Variants in ST6GAL1 observed in about 807,000 individuals in gnomAD.
ST6GAL1 encodes beta-galactoside alpha-2,6-sialyltransferase 1.
Under a neutral mutation model 38.0 loss-of-function variants are expected in ST6GAL1, and 20 were observed. That is an observed-to-expected ratio of 0.53 (90% CI 0.37 to 0.77). The LOEUF (loss-of-function observed/expected upper bound fraction) is 0.77. Ranked by LOEUF, ST6GAL1 falls within the 30% of genes least tolerant of loss-of-function variation. The probability of loss-of-function intolerance (pLI) is 0.00; values close to 1 mark genes in which losing one functional copy is unlikely to be tolerated. For synonymous variants in ST6GAL1, 196 were observed against 188.2 expected, an observed-to-expected ratio of 1.04 and a Z score of -0.34; for missense variants, 432 against 496.4, an observed-to-expected ratio of 0.87 and a Z score of 1.23.
At chr3:187,054,324 TTCCAACACTA>T (rs1718616717) in intron 5 of ST6GAL1, among the ~76,000 whole-genome samples, 1 of 152,200 alleles carries the variant, frequency 6.6e-6, no homozygotes, top group African/African-American at 2.4e-5. Flanking sequence ...TGGCCAGAAC[TTCCAACACTA>T]TGTTGAATAG....
In ST6GAL1 at chr3:187,045,156, A is replaced by T. The variant is rs111921232; in HGVS notation, c.607+1846A>T. 9.9e-3 allele frequency among the ~76,000 whole-genome samples: 1,515 copies of T among 152,312 alleles called. 20 individuals are homozygous for T. Among genetic ancestry groups the T allele is most frequent in the African/African-American group, 0.035 (1,436 of 41,566 alleles). On this transcript the variant is annotated intron_variant, in intron 4 of 7. Transcript: ENST00000169298. Reference sequence around the variant, plus strand: ...ACTACTGGATGGATCAGATTATTTCAAATGGTTTTCTTTTACAAATAACAT... The same window carrying T: ...ACTACTGGATGGATCAGATTATTTCTAATGGTTTTCTTTTACAAATAACAT...
At chr3:187,013,049 A>G (rs963765736) in intron 2 of ST6GAL1, among the ~76,000 whole-genome samples, 3 of 152,232 alleles carry the variant, frequency 2.0e-5, no homozygotes, top group Non-Finnish European at 4.4e-5. Flanking sequence ...TTTCATCTTG[A>G]TGATCACACA....
chr3:187,044,692 T>G (rs182136134), intron 4 of ST6GAL1, among the ~76,000 whole-genome samples: 1 of 152,308 alleles, frequency 6.6e-6, no homozygotes, highest in African/African-American at 2.4e-5. Flanking sequence ...CAAGTTAATA[T>G]TGCGTGCCTG....
intron 5 of ST6GAL1, among the ~76,000 whole-genome samples, chr3:187,055,728 A>G (rs1407905497): frequency 2.0e-5 from 3 of 152,168 alleles, no homozygotes; most frequent in Non-Finnish European, 4.4e-5. Context: ...ACTTCCAACT[A>G]TGTGGTCAGT....
At chr3:186,951,869 G>T (rs538350069) in intron 1 of ST6GAL1, among the ~76,000 whole-genome samples, 1 of 152,328 alleles carries the variant, frequency 6.6e-6, no homozygotes, top group Non-Finnish European at 1.5e-5. Context: ...GGCACCAGCA[G>T]ATTCGGCGTC....
chr3:186,985,029 C>A (rs1486487564), intron 2 of ST6GAL1, among the ~76,000 whole-genome samples: 2 of 152,020 alleles, frequency 1.3e-5, no homozygotes, highest in African/African-American at 4.8e-5. Flanking sequence ...CTGCCTCAGC[C>A]TCCTGAGCAG....
At chr3:187,066,597 C>CGTGT (rs374550671) in intron 5 of ST6GAL1, among the ~76,000 whole-genome samples, 2,675 of 116,928 alleles carry the variant, frequency 0.023, 26 homozygotes, top group African/African-American at 0.037. Flanking sequence ...GATGTGCGTG[C>CGTGT]GTGCGTGTGT....
At chr3:186,957,293 A>G (rs1319971177) in intron 1 of ST6GAL1, among the ~76,000 whole-genome samples, 1 of 152,192 alleles carries the variant, frequency 6.6e-6, no homozygotes, top group Non-Finnish European at 1.5e-5. Flanking sequence ...AAATACAAAA[A>G]TTAGCCAGAC....
intron 2 of ST6GAL1, among the ~76,000 whole-genome samples, chr3:187,019,125 A>G (rs575485385): frequency 6.6e-6 from 1 of 152,234 alleles, no homozygotes; most frequent in African/African-American, 2.4e-5. Context: ...AGTCGACAAC[A>G]TCTTTCAAAA....
chr3:187,015,513 A>C (rs977751097), intron 2 of ST6GAL1, among the ~76,000 whole-genome samples: 1 of 152,192 alleles, frequency 6.6e-6, no homozygotes, highest in Non-Finnish European at 1.5e-5. Context: ...TCACAGGTCA[A>C]ACAAGATGAT....
At chr3:186,933,792 A>G (rs777864343) in intron 1 of ST6GAL1, among the ~76,000 whole-genome samples, 1 of 152,230 alleles carries the variant, frequency 6.6e-6, no homozygotes, top group Non-Finnish European at 1.5e-5. Flanking sequence ...CTCCAGAGAA[A>G]AGCCAAAGTT....
intron 2 of ST6GAL1, among the ~76,000 whole-genome samples, chr3:187,033,920 TG>T (rs1450719013): frequency 6.6e-6 from 1 of 151,828 alleles, no homozygotes. Context: ...AGAGCAAAAC[TG>T]AACAAAATTG....
intron 2 of ST6GAL1, among the ~76,000 whole-genome samples, chr3:186,974,282 A>G (rs1715449222): frequency 6.6e-6 from 1 of 152,092 alleles, no homozygotes; most frequent in Non-Finnish European, 1.5e-5. Flanking sequence ...ATATCCAACC[A>G]TCCACAGGTG....
At chr3:187,033,386 C>T (rs1231392688) in intron 2 of ST6GAL1, among the ~76,000 whole-genome samples, 1 of 41,928 alleles carries the variant, frequency 2.4e-5, no homozygotes, top group Non-Finnish European at 3.7e-5. Flanking sequence ...TCTGCCTGGG[C>T]CGACAGAGAG....
chr3:186,938,031 A>T (rs371934725), intron 1 of ST6GAL1, among the ~76,000 whole-genome samples: 26 of 152,306 alleles, frequency 1.7e-4, no homozygotes, highest in African/African-American at 6.0e-4. Flanking sequence ...CTGAGATCGC[A>T]CCACTGCACT....
chr3:186,987,241 A>G (rs1715975918), intron 2 of ST6GAL1, among the ~76,000 whole-genome samples: 1 of 151,804 alleles, frequency 6.6e-6, no homozygotes. Context: ...GAAGGAAGAA[A>G]GGAAAGAAAG....
rs185046715 is a variant in ST6GAL1, at chr3:186,966,089, G to A, written c.-183+2163G>A. 1.7e-3 allele frequency among the ~76,000 whole-genome samples: 256 copies of A among 152,174 alleles called. 1 individual carries two copies. In the Middle Eastern group the frequency reaches 0.02, roughly 12 times the overall value. On this transcript the variant is annotated intron_variant, in intron 2 of 7. Coordinates refer to ENST00000169298, the MANE Select transcript of ST6GAL1 (RefSeq NM_173216.2). ...ATTATTTTGTATTTTTAGTAGAGAC[G>A]GGGTTTTACCATGTTGGTCAGGCTG...
chr3:186,979,548 C>T (rs891929803), intron 2 of ST6GAL1, among the ~76,000 whole-genome samples: 1 of 152,110 alleles, frequency 6.6e-6, no homozygotes, highest in East Asian at 1.9e-4. Context: ...GAAACAGAGA[C>T]AGGAGGAAGT....
intron 4 of ST6GAL1, among the ~76,000 whole-genome samples, chr3:187,048,239 A>G (rs148539356): frequency 1.1e-3 from 166 of 152,226 alleles, no homozygotes; most frequent in East Asian, 5.4e-3. Flanking sequence ...CACCGTGCCC[A>G]GCCTGATTGG....
Sources: allele counts gnomAD v4.1 joint callset (sites outside exome capture counted in the v4.1 genomes callset), GRCh38; gene constraint gnomAD v4.1.1; transcripts MANE v1.5; gene names NCBI Gene and HGNC (gene_info 2026-07-23, HGNC 2026-07-21).